Variants in CENPV observed in about 807,000 individuals in gnomAD.
CENPV encodes the protein nuclear protein p30.
A neutral mutation model predicts 26.4 loss-of-function variants in CENPV; 15 were observed. The observed-to-expected ratio is 0.57, with a 90% CI of 0.38 to 0.88. The LOEUF (loss-of-function observed/expected upper bound fraction) is 0.88, where lower values mean the gene tolerates loss of function less well. Among genes scored for constraint, CENPV ranks in the 40% least tolerant of loss-of-function variants. The pLI is 0.00. For synonymous variants in CENPV, 172 were observed against 165.5 expected, an observed-to-expected ratio of 1.04 and a Z score of -0.30; for missense variants, 336 against 376.5, an observed-to-expected ratio of 0.89 and a Z score of 0.89.
chr17:16,349,291 A>G, intron 2 of CENPV: 3 of 986,334 alleles, frequency 3.0e-6, no homozygotes, highest in Non-Finnish European at 3.6e-6. Flanking sequence ...CCATTTGAGT[A>G]ATTCCATCGT....
chr17:16,348,881 A>G (rs1269389116), intron 2 of CENPV, 196 bp from the exon 3 acceptor site: 2 of 1,375,962 alleles, frequency 1.5e-6, no homozygotes, highest in Non-Finnish European at 1.9e-6. Flanking sequence ...GGGGGGTCCC[A>G]AGTCAGCAGT....
At chr17:16,350,118 G>A in intron 1 of CENPV, 89 bp from the exon 2 acceptor site, 1 of 1,493,884 alleles carries the variant, frequency 6.7e-7, no homozygotes, top group Non-Finnish European at 9.0e-7. Flanking sequence ...CAGAAGATTA[G>A]ACAAAAGTCT....
intron 3 of CENPV, chr17:16,347,766 G>A (rs1352256786): frequency 6.6e-6 from 1 of 152,114 alleles, no homozygotes; most frequent in Non-Finnish European, 1.5e-5. Context: ...ACTGGGGCAT[G>A]GGGACAGTAG....
Position 16,342,609 on chromosome 17 carries a change from G to T in CENPV, c.*208C>A. 1.8e-6 allele frequency: 1 copy of T among 555,646 alleles called. No homozygotes were observed. The highest frequency in any genetic ancestry group is 3.2e-6 in the Non-Finnish European group (1 of 312,538). 34.4% of individuals were successfully genotyped at this position (555,646 alleles called of 1,614,324 possible). On this transcript the variant is annotated 3_prime_UTR_variant, in exon 5 of 5. Transcript: ENST00000299736. ...GTTGGGAAGAGAAGGATGTCAATTA[G>T]ACTACATCAAAATCTGGGCAGAGGG...
Position 16,344,654 on chromosome 17 carries a change from A to G in CENPV, c.637T>C (p.Cys213Arg). Reference protein sequence around the residue: ...FNTHKAQHTFCKRCGVQSFYT... With the variant: ...FNTHKAQHTFRKRCGVQSFYT... Reference sequence around the variant, plus strand: ...AAGCTCTGAACGCCACATCTCTTACAGAAGGTATGCTGGGCTTTGTGAGTA... The same window carrying G: ...AAGCTCTGAACGCCACATCTCTTACGGAAGGTATGCTGGGCTTTGTGAGTA... The change falls in exon 4 of 5, where the codon TGT becomes CGT. Residue 213 changes from cysteine (C) to arginine (R), a missense_variant. Cys to Arg is a radical substitution (Grantham distance 180). This residue lies in a region of CENPV where 155 missense variants were observed against 227.8 expected (regional missense o/e 0.68). Transcript: ENST00000299736. 1 of 1,600,922 alleles carries G rather than the reference A, an allele frequency of 6.2e-7. No individual in the cohort carries two copies. Among genetic ancestry groups the G allele is most frequent in the Non-Finnish European group, 8.5e-7 (1 of 1,174,178 alleles).
rs2093235334 is a variant in CENPV at position 16,353,297 on chromosome 17, C to T, written c.140G>A (p.Gly47Glu). 6 of 1,417,614 alleles carry T rather than the reference C, an allele frequency of 4.2e-6. No homozygotes were observed. The highest frequency in any genetic ancestry group is 1.4e-5 in the South Asian group (1 of 70,232). 87.8% of individuals were successfully genotyped at this position (1,417,614 alleles called of 1,614,324 possible). A position where few individuals can be genotyped will look rare whatever the true frequency, so the allele number is the denominator to read the frequency against. Residue 47 changes from glycine to glutamate, a missense_variant, in exon 1 of 5, where the codon GGG becomes GAG. Physicochemically the swap from Gly to Glu is moderately conservative, Grantham distance 98 (BLOSUM62 -2). Around this residue, in one of 2 missense-constraint regions of CENPV, gnomAD observed 181 missense variants for 148.8 expected, o/e 1.22. Coordinates refer to ENST00000299736, the MANE Select transcript of CENPV (RefSeq NM_181716.3). ...CTTCTCCACCGCCTGGCTCTTGCTC[C>T]CGGCCTGGCTAGCGGAGCGCCGTGT... ...TRTRRSASQA[G>E]SKSQAVEKPP...
Position 16,353,068 on chromosome 17 carries a change from C to T in CENPV, c.369G>A (p.Lys123=), listed in dbSNP as rs767766774. ...GCTTGGCGGCACCCTCGGAGGTAAG[C>T]TTCTGCCGCTTCTGGAACGTCTCCC... is the stretch of plus-strand genomic sequence containing the variant. ...ERWETFQKRQ[K]LTSEGAAKLL... Residue 123 remains lysine, a synonymous_variant, in exon 1 of 5, where the codon AAG becomes AAA. Coordinates refer to ENST00000299736, the MANE Select transcript of CENPV (RefSeq NM_181716.3). 14 of 1,579,142 alleles carry T rather than the reference C, an allele frequency of 8.9e-6. No homozygotes were observed. In the East Asian group the frequency reaches 3.3e-4, roughly 37 times the overall value.
At chr17:16,351,144 C>CT (rs2093227242) in intron 1 of CENPV, 1 of 151,906 alleles carries the variant, frequency 6.6e-6, no homozygotes, top group East Asian at 1.9e-4. Context: ...GTTGGTCAGG[C>CT]AGTCTCAAAC....
intron 2 of CENPV, chr17:16,349,456 C>T: frequency 1.0e-6 from 1 of 986,454 alleles, no homozygotes; most frequent in Non-Finnish European, 1.2e-6. Flanking sequence ...AAATCAGGCC[C>T]TCCACAGCCA....
At position 16,353,372 on chromosome 17, in the gene CENPV, G is replaced by GTGGAGGCCC. The variant is rs1555875396; in HGVS notation, c.64_65insGGGCCTCCA (p.Ala22delinsGlyAlaSerThr). 2.4e-6 allele frequency: 3 copies of GTGGAGGCCC among 1,239,920 alleles called. No homozygotes were observed. The highest frequency in any genetic ancestry group is 7.2e-5 in the East Asian group (2 of 27,914). The allele number at this position is 1,239,920 out of a possible 1,614,324, so 76.8% of individuals were successfully genotyped here. A position where few individuals can be genotyped will look rare whatever the true frequency, so the allele number is the denominator to read the frequency against. On this transcript the variant is annotated protein_altering_variant, in exon 1 of 5. Coordinates refer to ENST00000299736, the MANE Select transcript of CENPV (RefSeq NM_181716.3). ...AGCGGCCGCGGAGGCCGCGGGGGCC[G>GTGGAGGCCC]CGGAGGCCCCGGACCGCTTCTGCCC...
intron 3 of CENPV, among the ~76,000 whole-genome samples, chr17:16,346,141 T>C (rs118044664): frequency 0.012 from 1,789 of 152,310 alleles, 19 homozygotes; most frequent in Middle Eastern, 0.031. Context: ...TGCTCACATA[T>C]ATCAGTCACA....
intron 2 of CENPV, chr17:16,349,563 T>C (rs1219588525): frequency 3.0e-6 from 3 of 1,009,884 alleles, no homozygotes; most frequent in Non-Finnish European, 3.5e-6. Context: ...CCTCCAACTC[T>C]CCCCAACTCT....
Position 16,353,015 on chromosome 17 carries a change from C to A in CENPV, c.410+12G>T. 6.4e-7 allele frequency: 1 copy of A among 1,551,850 alleles called. No homozygotes were observed. Among genetic ancestry groups the A allele is most frequent in the Non-Finnish European group, 8.7e-7 (1 of 1,151,858 alleles). Reference sequence around the variant, plus strand: ...GCAACGGCTCCCGCGCCCCCCGGCCCGCCGCACTCACAAGGTGTCTAGCAG... The same window carrying A: ...GCAACGGCTCCCGCGCCCCCCGGCCAGCCGCACTCACAAGGTGTCTAGCAG... On this transcript the variant is annotated intron_variant, in intron 1 of 4. Transcript: ENST00000299736.
At chr17:16,351,819 CT>C (rs1301898617) in intron 1 of CENPV, 3 of 152,168 alleles carry the variant, frequency 2.0e-5, no homozygotes, top group Admixed American at 6.5e-5. Flanking sequence ...TTACATTCTT[CT>C]TTTTTTCTGT....
At chr17:16,349,399 C>G (rs1168229192) in intron 2 of CENPV, 1 of 985,956 alleles carries the variant, frequency 1.0e-6, no homozygotes, top group Non-Finnish European at 1.2e-6. Flanking sequence ...GTCCCAAAGC[C>G]AGAGCCTGTC....
intron 1 of CENPV, chr17:16,350,608 G>A (rs2093224797): frequency 6.6e-6 from 1 of 152,320 alleles, no homozygotes; most frequent in African/African-American, 2.4e-5. Context: ...CCAAAGTGCT[G>A]GGATTACAGG....
intron 2 of CENPV, 76 bp from the exon 3 acceptor site, chr17:16,348,761 G>A (rs1317789103): frequency 3.8e-6 from 6 of 1,597,352 alleles, no homozygotes; most frequent in Non-Finnish European, 5.1e-6. Context: ...CCAGCCATGA[G>A]AGCCAGCCGA....
chr17:16,351,888 C>T (rs1432583885), intron 1 of CENPV: 3 of 152,250 alleles, frequency 2.0e-5, no homozygotes, highest in Admixed American at 1.3e-4. Context: ...TCCTTCTGCC[C>T]AGAGGCAGCC....
At chr17:16,349,756 T>C in intron 2 of CENPV, 175 bp downstream of exon 2, 2 of 1,415,704 alleles carry the variant, frequency 1.4e-6, no homozygotes, top group Non-Finnish European at 9.2e-7. Context: ...TGATGAGCCA[T>C]ATAAAAGGAA....
Sources: gnomAD v4.1 joint callset for allele counts (sites outside exome capture counted in the v4.1 genomes callset) on GRCh38, gnomAD v4.1.1 for gene constraint, gnomAD v4.1.1 regional missense constraint, MANE v1.5 for transcripts, NCBI Gene and HGNC (gene_info 2026-07-23, HGNC 2026-07-21) for gene names.